Variants in TNFRSF8 observed in about 807,000 individuals in gnomAD.
TNFRSF8 encodes the protein tumor necrosis factor receptor superfamily member 8.
A neutral mutation model predicts 70.8 loss-of-function variants in TNFRSF8; 26 were observed. That is an observed-to-expected ratio of 0.37 (90% CI 0.27 to 0.51). TNFRSF8 has a LOEUF of 0.51. Among genes scored for constraint, TNFRSF8 ranks in the 20% least tolerant of loss-of-function variants. TNFRSF8 has a pLI of 0.94. For missense variants in TNFRSF8, 720 were observed against 807.9 expected (o/e 0.89, Z 1.32); for synonymous variants, 356 against 339.2 (o/e 1.05, Z -0.54).
At chr1:12,100,956 CAAAA>C (rs57753344) in intron 3 of TNFRSF8, among the ~76,000 whole-genome samples, 3 of 114,024 alleles carry the variant, frequency 2.6e-5, no homozygotes, top group African/African-American at 5.5e-5. Flanking sequence ...GACTCTGTCT[CAAAA>C]AAAAAAAAAA....
intron 7 of TNFRSF8, among the ~76,000 whole-genome samples, chr1:12,114,699 T>C (rs1641696279): frequency 4.4e-5 from 3 of 67,612 alleles, no homozygotes; most frequent in Admixed American, 1.9e-4. Flanking sequence ...AAAATCTTTT[T>C]TTTTTTTTTT....
chr1:12,120,873 A>T (rs1182383721), intron 8 of TNFRSF8, among the ~76,000 whole-genome samples: 1 of 152,158 alleles, frequency 6.6e-6, no homozygotes, highest in South Asian at 2.1e-4. Flanking sequence ...CAGAGAGGGG[A>T]TGAGAGGCAC....
At chr1:12,118,180 G>A (rs572825495) in intron 8 of TNFRSF8, among the ~76,000 whole-genome samples, 20 of 148,336 alleles carry the variant, frequency 1.3e-4, no homozygotes, top group African/African-American at 3.2e-4. Context: ...GTATGGTCTC[G>A]GCTCACGGCA....
chr1:12,084,848 A>G (rs1415826849), intron 2 of TNFRSF8, among the ~76,000 whole-genome samples: 1 of 152,132 alleles, frequency 6.6e-6, no homozygotes, highest in Non-Finnish European at 1.5e-5. Flanking sequence ...CGAGACCTTT[A>G]TATGCACGGC....
chr1:12,067,895 C>CGGG (rs1310915654), intron 1 of TNFRSF8, among the ~76,000 whole-genome samples: 2 of 12,154 alleles, frequency 1.6e-4, no homozygotes, highest in African/African-American at 3.4e-4. Flanking sequence ...GCAAGGACGG[C>CGGG]GGGGGGGCGG....
chr1:12,082,732 G>A (rs188216141), intron 1 of TNFRSF8, among the ~76,000 whole-genome samples: 4 of 152,186 alleles, frequency 2.6e-5, no homozygotes, highest in Admixed American at 2.6e-4. Context: ...GAATATCTAA[G>A]TGACACTGAG....
chr1:12,064,272 A>G (rs990568572), intron 1 of TNFRSF8, among the ~76,000 whole-genome samples: 5 of 152,302 alleles, frequency 3.3e-5, no homozygotes, highest in Non-Finnish European at 5.9e-5. Flanking sequence ...TGCCCCTGGA[A>G]GAAGGTCAGT....
In TNFRSF8 at chr1:12,142,661, A is replaced by ACCGG. The variant is rs1047478457; in HGVS notation, c.*135_*138dup. On this transcript the variant is annotated 3_prime_UTR_variant, in exon 15 of 15. Coordinates refer to ENST00000263932, the MANE Select transcript of TNFRSF8 (RefSeq NM_001243.5). This position sits in a 1 kb window ranked among gnomAD's most constrained non-coding sequence, Gnocchi z 5.0. ...CTGAGGCTCCAGCATCTAGTGGTGGACCGGCCGGTCACTGCAGGGGTCTGG... is the reference window on the plus strand; with the variant it reads ...CTGAGGCTCCAGCATCTAGTGGTGGACCGGCCGGCCGGTCACTGCAGGGGTCTGG... 7.8e-6 allele frequency: 10 copies of ACCGG among 1,286,902 alleles called. No homozygotes were observed. In the African/African-American group the frequency reaches 1.5e-4, roughly 19 times the overall value. The allele number at this position is 1,286,902 out of a possible 1,614,324, so 79.7% of individuals were successfully genotyped here.
intron 14 of TNFRSF8, among the ~76,000 whole-genome samples, chr1:12,140,793 C>T (rs1207812700): frequency 1.3e-5 from 2 of 152,188 alleles, no homozygotes; most frequent in Admixed American, 6.5e-5. Context: ...CCAGCACCCC[C>T]ACCCTCACTT....
rs376786832 is a variant in TNFRSF8 at position 12,110,581 on chromosome 1, G to T, written c.676+377G>T. 1.3e-5 allele frequency among the ~76,000 whole-genome samples: 2 copies of T among 152,104 alleles called. No individual in the cohort carries two copies. Among genetic ancestry groups the T allele is most frequent in the African/African-American group, 4.8e-5 (2 of 41,420 alleles). On this transcript the variant is annotated intron_variant, in intron 6 of 14. Transcript: ENST00000263932. The surrounding 1 kb of genome is among the most constrained non-coding windows in gnomAD (Gnocchi z 4.0). ...GCCCTCCTGGTCTCCATGGCGAAGG[G>T]TCGACCCTCAGTCATTTTTCTTTTT...
At position 12,138,268 on chromosome 1, in the gene TNFRSF8, G is replaced by A; in HGVS notation, c.1375G>A (p.Glu459Lys). The change falls in exon 14 of 15, where the codon GAA becomes AAA. Residue 459 changes from glutamate (E) to lysine (K), a missense_variant. Physicochemically the swap from Glu to Lys is moderately conservative, Grantham distance 56. Transcript: ENST00000263932. This position sits in a 1 kb window ranked among gnomAD's most constrained non-coding sequence, Gnocchi z 5.7. ...TGCGTCGGTGACAGAACCCGTCGCG[G>A]AAGAGCGAGGGTTAATGAGCCAGCC... ...SGASVTEPVA[E>K]ERGLMSQPLM... is the part of the protein sequence containing the mutation. The A allele has an allele frequency of 1.9e-6, 3 of 1,613,604 alleles. No homozygotes were observed. The highest frequency in any genetic ancestry group is 2.5e-6 in the Non-Finnish European group (3 of 1,179,920).
At chr1:12,069,546 T>C (rs1027935452) in intron 1 of TNFRSF8, among the ~76,000 whole-genome samples, 1 of 152,202 alleles carries the variant, frequency 6.6e-6, no homozygotes, top group Non-Finnish European at 1.5e-5. Flanking sequence ...ATGTGAAGAC[T>C]GTGACTTTGG....
Position 12,125,788 on chromosome 1 carries a change from C to T in TNFRSF8, c.1154-163C>T, listed in dbSNP as rs749234798. 5.3e-5 allele frequency: 36 copies of T among 679,786 alleles called. 1 individual carries two copies. Among genetic ancestry groups the T allele is most frequent in the South Asian group, 1.2e-4 (7 of 59,944 alleles). The allele number at this position is 679,786 out of a possible 1,614,324, so 42.1% of individuals were successfully genotyped here. A position where few individuals can be genotyped will look rare whatever the true frequency, so the allele number is the denominator to read the frequency against. ...AGTTGATCAGCTTCCTGGAGCCAGG[C>T]GAGGGAGGGCTGGATGAGATAAGAG... On this transcript the variant is annotated intron_variant, in intron 10 of 14. Coordinates refer to ENST00000263932, the MANE Select transcript of TNFRSF8 (RefSeq NM_001243.5).
rs545765781 is a variant in TNFRSF8 at position 12,129,672 on chromosome 1, G to T, written c.1309+3436G>T. 1.9e-4 allele frequency among the ~76,000 whole-genome samples: 29 copies of T among 152,264 alleles called. 1 individual carries two copies. The South Asian group carries it at 6.0e-3, about 32-fold the overall frequency. On this transcript the variant is annotated intron_variant, in intron 12 of 14. Transcript: ENST00000263932. ...AGTGGATTCAGGTCATGCATCTTGG[G>T]CTGGAAGGTCCCAGGAATGATGCTG...
chr1:12,104,244 G>A, intron 3 of TNFRSF8, 135 bp from the exon 4 acceptor site: 2 of 823,116 alleles, frequency 2.4e-6, no homozygotes, highest in Non-Finnish European at 3.9e-6. Context: ...CAATTTTAGT[G>A]GTCACCAGGG....
At chr1:12,103,020 C>T (rs1641451260) in intron 3 of TNFRSF8, among the ~76,000 whole-genome samples, 1 of 152,114 alleles carries the variant, frequency 6.6e-6, no homozygotes, top group African/African-American at 2.4e-5. Flanking sequence ...AGCTGTGTAT[C>T]TTCTTTAGAG....
chr1:12,104,245 G>A, intron 3 of TNFRSF8, 134 bp from the exon 4 acceptor site: 1 of 846,308 alleles, frequency 1.2e-6, no homozygotes, highest in Non-Finnish European at 1.9e-6. Context: ...AATTTTAGTG[G>A]TCACCAGGGG....
In TNFRSF8 at chr1:12,112,026, G is replaced by T; in HGVS notation, c.793+12G>T. On this transcript the variant is annotated intron_variant, in intron 7 of 14. Coordinates refer to ENST00000263932, the MANE Select transcript of TNFRSF8 (RefSeq NM_001243.5). This position sits in a 1 kb window ranked among gnomAD's most constrained non-coding sequence, Gnocchi z 5.3. ...GAGCTGTTCTCGAGGTAAGGGCCTC[G>T]TCCCTCCCCGGGCCTCAGTTTACCT... is the stretch of plus-strand genomic sequence containing the variant. 1.2e-6 allele frequency: 2 copies of T among 1,603,886 alleles called. No homozygotes were observed. The highest frequency in any genetic ancestry group is 1.7e-6 in the Non-Finnish European group (2 of 1,171,292).
At chr1:12,137,548 GTTTTTTTTTGTT>G (rs1642169101) in intron 13 of TNFRSF8, among the ~76,000 whole-genome samples, 2 of 131,498 alleles carry the variant, frequency 1.5e-5, no homozygotes, top group Middle Eastern at 4.2e-3. Flanking sequence ...CTGTTTTTTT[GTTTTTTTTTGTT>G]TTTTTTTTGT....
Sources: gnomAD v4.1 joint callset for allele counts (sites outside exome capture counted in the v4.1 genomes callset) on GRCh38, gnomAD v4.1.1 for gene constraint, Gnocchi (gnomAD v3.1) non-coding constraint, MANE v1.5 for transcripts, NCBI Gene and HGNC (gene_info 2026-07-23, HGNC 2026-07-21) for gene names.